The following NFATC4 variants were observed in gnomAD, a reference collection of about 807,000 sequenced individuals.
NFATC4 encodes nuclear factor of activated T-cells, cytoplasmic 4.
Under a neutral mutation model 73.4 loss-of-function variants are expected in NFATC4, and 25 were observed. The observed-to-expected ratio is 0.34, with a 90% CI of 0.25 to 0.48. The LOEUF (loss-of-function observed/expected upper bound fraction) is 0.48. NFATC4 is among the 20% of genes least tolerant of loss of function. NFATC4 has a pLI of 0.99. For missense variants in NFATC4, 1,130 were observed against 1,203.7 expected (o/e 0.94, Z 0.91); for synonymous variants, 523 against 510.3 (o/e 1.02, Z -0.34).
At position 24,378,902 on chromosome 14, in the gene NFATC4, A is replaced by C. The variant is rs1304438729; in HGVS notation, c.*1197A>C. The C allele has an allele frequency of 6.6e-6, 1 of 152,416 alleles. No individual in the cohort carries two copies. Among genetic ancestry groups the C allele is most frequent in the East Asian group, 1.9e-4 (1 of 5,178 alleles). 9.4% of individuals were successfully genotyped at this position (152,416 alleles called of 1,614,324 possible). ...AGGCCAAGTTCCACTGGGCTGGGAA[A>C]AGTCACTTTGTCTGTCTTGTTCACC... On this transcript the variant is annotated 3_prime_UTR_variant, in exon 10 of 10. Transcript: ENST00000250373.
At chr14:24,368,706 G>A (rs1411721794) in intron 1 of NFATC4, among the ~76,000 whole-genome samples, 1 of 152,014 alleles carries the variant, frequency 6.6e-6, no homozygotes, top group Non-Finnish European at 1.5e-5. Flanking sequence ...TGAACTGGGG[G>A]GCGGGCGGGA....
chr14:24,375,581 G>C, intron 6 of NFATC4, 79 bp from the exon 7 acceptor site: 1 of 1,497,456 alleles, frequency 6.7e-7, no homozygotes, highest in Non-Finnish European at 9.1e-7. Context: ...GGCTCTAACA[G>C]GAGGGGAAAT....
chr14:24,368,165 A>C, upstream of NFATC4: 1 of 1,246,534 alleles, frequency 8.0e-7, no homozygotes, highest in East Asian at 3.4e-5. Flanking sequence ...GTTTGGGGGA[A>C]AAAAGTTTGG....
rs1347983695 is a variant in NFATC4 at position 24,369,576 on chromosome 14, G to T, written c.178G>T (p.Gly60Cys). The stretch of plus-strand genomic sequence containing the variant: ...CCCTCCCTATGGCGCTGCACCTATC[G>T]GTATTCCCCGACCTCCACCCCCTCG... Reference protein sequence around the residue: ...EPPPYGAAPIGIPRPPPPRPG... With the variant: ...EPPPYGAAPICIPRPPPPRPG... The change falls in exon 2 of 10, where the codon GGT becomes TGT. Residue 60 changes from glycine to cysteine, a missense_variant. Around this residue, in one of 3 missense-constraint regions of NFATC4, gnomAD observed 585 missense variants for 574.3 expected, o/e 1.02. Coordinates refer to ENST00000250373, the MANE Select transcript of NFATC4 (RefSeq NM_004554.5). The T allele has an allele frequency of 2.5e-6, 4 of 1,612,248 alleles. No homozygotes were observed. Among genetic ancestry groups the T allele is most frequent in the Non-Finnish European group, 2.5e-6 (3 of 1,179,134 alleles).
At position 24,373,845 on chromosome 14, in the gene NFATC4, A is replaced by T; in HGVS notation, c.1710A>T (p.Ala570=). The T allele has an allele frequency of 6.2e-7, 1 of 1,614,064 alleles. No individual in the cohort carries two copies. Among genetic ancestry groups the T allele is most frequent in the Non-Finnish European group, 8.5e-7 (1 of 1,180,022 alleles). Residue 570 remains alanine, a synonymous_variant, in exon 5 of 10, where the codon GCA becomes GCT. Transcript: ENST00000250373. The surrounding 1 kb of genome is among the most constrained non-coding windows in gnomAD (Gnocchi z 4.7). ...GCGGGAAGGTCGTCTCAGTACAGGC[A>T]GCATCGGTGCCCATCGAGTGCTGTG... ...QGGGKVVSVQ[A]ASVPIECSQR... is the part of the protein sequence containing the mutation.
At chr14:24,366,923 C>A, upstream of NFATC4, 1 of 1,527,982 alleles carries the variant, frequency 6.5e-7, no homozygotes, top group East Asian at 2.3e-5. Flanking sequence ...AAACGTCTGA[C>A]CTGGGGCCGT....
At position 24,376,692 on chromosome 14, in the gene NFATC4, T is replaced by A. The variant is rs747822058; in HGVS notation, c.2455T>A (p.Ser819Thr). The change falls in exon 9 of 10, where the codon TCC (serine) becomes ACC (threonine). Residue 819 changes from serine to threonine, a missense_variant. By Grantham distance (58) the Ser-to-Thr change is moderately conservative (BLOSUM62 1). Transcript: ENST00000250373. This position sits in a 1 kb window ranked among gnomAD's most constrained non-coding sequence, Gnocchi z 5.0. ...APFRPPPLPA[S>T]PPLEGPFPSQ... Reference sequence around the variant, plus strand: ...CTTTCGGCCGCCTCCTCTTCCTGCATCCCCACCGCTTGAAGGCCCCTTCCC... The same window carrying A: ...CTTTCGGCCGCCTCCTCTTCCTGCAACCCCACCGCTTGAAGGCCCCTTCCC... 1.2e-6 allele frequency: 2 copies of A among 1,613,680 alleles called. No homozygotes were observed. Among genetic ancestry groups the A allele is most frequent in the Non-Finnish European group, 1.7e-6 (2 of 1,179,894 alleles).
Position 24,374,481 on chromosome 14 carries a change from G to A in NFATC4, c.1873+15G>A. 1 of 1,598,778 alleles carries A rather than the reference G, an allele frequency of 6.3e-7. No homozygotes were observed. Among genetic ancestry groups the A allele is most frequent in the Non-Finnish European group, 8.5e-7 (1 of 1,169,756 alleles). The stretch of plus-strand genomic sequence containing the variant: ...GAGGGGTCCTGGTGAGTACCTGCTG[G>A]GGAGGGGAGGGCAGGCAGGGAGAGC... On this transcript the variant is annotated intron_variant, in intron 6 of 9. Transcript: ENST00000250373.
At chr14:24,372,709 C>A in intron 3 of NFATC4, 106 bp downstream of exon 3, 1 of 1,435,088 alleles carries the variant, frequency 7.0e-7, no homozygotes, top group African/African-American at 1.4e-5. Context: ...TCAGCTCTGA[C>A]CCTGCAGGCA....
At chr14:24,369,423 C>T in intron 1 of NFATC4, 76 bp from the exon 2 acceptor site, 1 of 1,608,296 alleles carries the variant, frequency 6.2e-7, no homozygotes, top group Non-Finnish European at 8.5e-7. Context: ...TGCGGCCTGG[C>T]CACTCAAGGA....
At position 24,373,040 on chromosome 14, in the gene NFATC4, C is replaced by T; in HGVS notation, c.1360-131C>T. The T allele has an allele frequency of 1.1e-6, 1 of 931,952 alleles. No individual in the cohort carries two copies. The highest frequency in any genetic ancestry group is 2.6e-5 in the Admixed American group (1 of 38,396). 57.7% of individuals were successfully genotyped at this position (931,952 alleles called of 1,614,324 possible). On this transcript the variant is annotated intron_variant, in intron 3 of 9. Coordinates refer to ENST00000250373, the MANE Select transcript of NFATC4 (RefSeq NM_004554.5). The surrounding 1 kb of genome is among the most constrained non-coding windows in gnomAD (Gnocchi z 4.7). ...TCTCCACAACGGGTGCCCAGTTCCC[C>T]AAGGGATTCCCTTGCAGGATATCCT...
chr14:24,377,780 G>GAA lies in NFATC4; in HGVS notation c.*75_*76insAA. 1 of 1,610,720 alleles carries GAA rather than the reference G, an allele frequency of 6.2e-7. No individual in the cohort carries two copies. The highest frequency in any genetic ancestry group is 8.5e-7 in the Non-Finnish European group (1 of 1,178,112). ...GCCCCCTTTCCCTCCTTCCTGGAGT[G>GAA]GTGGCTACAGAAGCTTGGGGCCAAC... On this transcript the variant is annotated 3_prime_UTR_variant, in exon 10 of 10. Transcript: ENST00000250373. The surrounding 1 kb of genome is among the most constrained non-coding windows in gnomAD (Gnocchi z 4.2).
At chr14:24,367,517 T>C, upstream of NFATC4, 2 of 1,535,430 alleles carry the variant, frequency 1.3e-6, no homozygotes, top group Non-Finnish European at 1.7e-6. Context: ...TCAAAGCCTC[T>C]TTGGCTCGGA....
At position 24,369,839 on chromosome 14, in the gene NFATC4, C is replaced by A. The variant is rs745627001; in HGVS notation, c.441C>A (p.Pro147=). The A allele has an allele frequency of 1.2e-5, 19 of 1,606,274 alleles. 1 individual carries two copies. In the South Asian group the frequency reaches 2.0e-4, roughly 17 times the overall value. Residue 147 remains proline, a synonymous_variant, in exon 2 of 10, where the codon CCC becomes CCA. Transcript: ENST00000250373. ...AWGDGSPRDY[P]PPEGFGGYRE... ...GGGACGGCTCTCCTAGAGATTACCC[C>A]CCACCAGAAGGCTTTGGGGGCTACA...
upstream of NFATC4, chr14:24,368,064 C>T: frequency 8.8e-7 from 1 of 1,130,060 alleles, no homozygotes; most frequent in Non-Finnish European, 1.1e-6. Context: ...ACGAGGGGCG[C>T]GTGGTTTTCC....
chr14:24,373,546 A>G lies in NFATC4; in HGVS notation c.1560-149A>G. The G allele has an allele frequency of 7.3e-7, 1 of 1,374,550 alleles. No individual in the cohort carries two copies. The highest frequency in any genetic ancestry group is 1.4e-5 in the African/African-American group (1 of 69,054). The allele number at this position is 1,374,550 out of a possible 1,614,324, so 85.1% of individuals were successfully genotyped here. Reference sequence around the variant, plus strand: ...TTTTGGGGTTGGGGGTACCCCAGAGAGGCCATCTCTGGGTTAGAAAATAGC... The same window carrying G: ...TTTTGGGGTTGGGGGTACCCCAGAGGGGCCATCTCTGGGTTAGAAAATAGC... On this transcript the variant is annotated intron_variant, in intron 4 of 9. Coordinates refer to ENST00000250373, the MANE Select transcript of NFATC4 (RefSeq NM_004554.5). The surrounding 1 kb of genome is among the most constrained non-coding windows in gnomAD (Gnocchi z 4.7).
In NFATC4 at chr14:24,370,145, C is replaced by T. The variant is rs2042432011; in HGVS notation, c.747C>T (p.Leu249=). 1.2e-6 allele frequency: 2 copies of T among 1,603,624 alleles called. No homozygotes were observed. The highest frequency in any genetic ancestry group is 1.1e-5 in the South Asian group (1 of 91,004). ...GAGGGCCAGAGGATAGCTGGCTACT[C>T]CTCAGTGCTCCTGGGCCCACCCCAG... The part of the protein sequence containing the change: ...GGRGPEDSWL[L]LSAPGPTPAS... The change falls in exon 2 of 10, where the codon CTC becomes CTT. Residue 249 remains leucine, a synonymous_variant. Transcript: ENST00000250373.
chr14:24,369,544 G>A lies in NFATC4; in HGVS notation c.146G>A (p.Gly49Glu), dbSNP rs774546991. Reference protein sequence around the residue: ...DAPPCCRLALGEPPPYGAAPI... With the variant: ...DAPPCCRLALEEPPPYGAAPI... Reference sequence around the variant, plus strand: ...CCGCCATGCTGCCGTCTGGCCTTGGGAGAGCCCCCTCCCTATGGCGCTGCA... The same window carrying A: ...CCGCCATGCTGCCGTCTGGCCTTGGAAGAGCCCCCTCCCTATGGCGCTGCA... Residue 49 changes from glycine to glutamate, a missense_variant, in exon 2 of 10, where the codon GGA becomes GAA. Gly to Glu is a moderately conservative substitution (Grantham distance 98). Coordinates refer to ENST00000250373, the MANE Select transcript of NFATC4 (RefSeq NM_004554.5). 2 of 1,610,122 alleles carry A rather than the reference G, an allele frequency of 1.2e-6. No individual in the cohort carries two copies. Among genetic ancestry groups the A allele is most frequent in the Admixed American group, 3.3e-5 (2 of 59,884 alleles).
rs1345868627 is a variant in NFATC4, at chr14:24,372,231, T to G, written c.1197-210T>G. The G allele has an allele frequency of 1.0e-5, 6 of 576,084 alleles. No individual in the cohort carries two copies. In the East Asian group the frequency reaches 1.8e-4, roughly 17 times the overall value. The allele number at this position is 576,084 out of a possible 1,614,324, so 35.7% of individuals were successfully genotyped here. On this transcript the variant is annotated intron_variant, in intron 2 of 9. Transcript: ENST00000250373. ...TCTGTCCCCTACTTCCCCTTGCTTC[T>G]GGACTTTTGGATTTCTTCATTTCTT...
Sources: allele counts gnomAD v4.1 joint callset (sites outside exome capture counted in the v4.1 genomes callset), GRCh38; gene constraint gnomAD v4.1.1; regional missense constraint gnomAD v4.1.1; non-coding constraint Gnocchi (gnomAD v3.1); transcripts MANE v1.5; gene names NCBI Gene and HGNC (gene_info 2026-07-23, HGNC 2026-07-21).